Variants in SF3A2 observed in about 807,000 individuals in gnomAD.
The protein encoded by SF3A2 is SAP 62.
SF3A2 carries 5 observed loss-of-function variants against 31.1 expected under a neutral mutation model. The observed-to-expected ratio is 0.16, with a 90% confidence interval of 0.08 to 0.34. The LOEUF is 0.34. Ranked by LOEUF, SF3A2 falls within the 10% of genes least tolerant of loss-of-function variation. The pLI is 1.00. For missense variants in SF3A2, 577 were observed against 643.9 expected (o/e 0.90, Z 1.13); for synonymous variants, 365 against 263.7 (o/e 1.38, Z -3.72).
In SF3A2 at chr19:2,246,715, GA is replaced by G. The variant is rs542673852; in HGVS notation, c.356-37del. 211 of 1,613,466 alleles carry G rather than the reference GA, an allele frequency of 1.3e-4. 1 individual carries two copies. The African/African-American group carries it at 2.5e-3, about 19-fold the overall frequency. ...CCCCAGGTTCCTCAGCTTCGGAGAGGACAAGCAGCCGGGACCTGAGAGCTTT... is the reference window on the plus strand; with the variant it reads ...CCCCAGGTTCCTCAGCTTCGGAGAGGCAAGCAGCCGGGACCTGAGAGCTTT... On this transcript the variant is annotated intron_variant, in intron 5 of 8. Coordinates refer to ENST00000221494, the MANE Select transcript of SF3A2 (RefSeq NM_007165.5). This position sits in a 1 kb window ranked among gnomAD's most constrained non-coding sequence, Gnocchi z 5.5.
intron 2 of SF3A2, 34 bp from the exon 3 acceptor site, chr19:2,244,509 CT>C (rs2024915770): frequency 6.3e-7 from 1 of 1,584,802 alleles, no homozygotes; most frequent in Non-Finnish European, 8.6e-7. Flanking sequence ...AGGCCGCGAT[CT>C]TCTGTCTAAC....
chr19:2,243,585 G>C, intron 2 of SF3A2, 41 bp downstream of exon 2: 2 of 1,505,288 alleles, frequency 1.3e-6, no homozygotes, highest in East Asian at 2.7e-5. Flanking sequence ...TGGGTGCTGG[G>C]CTTTCCAGGG....
Position 2,247,906 on chromosome 19 carries a change from C to A in SF3A2, c.755C>A (p.Pro252Gln). ...CGGCCACCGCTGCCTGAGTCTTTGC[C>A]ACCGCCCCCGCCAGGAGGCCTGCCT... The part of the protein sequence containing the change: ...PPRPPLPESL[P>Q]PPPPGGLPLP... Residue 252 changes from proline (P) to glutamine (Q), a missense_variant, in exon 9 of 9, where the codon CCA becomes CAA. By Grantham distance (76) the Pro-to-Gln change is moderately conservative. This residue lies in a region of SF3A2 where 462 missense variants were observed against 339.1 expected (regional missense o/e 1.36). Coordinates refer to ENST00000221494, the MANE Select transcript of SF3A2 (RefSeq NM_007165.5). 1 of 1,578,942 alleles carries A rather than the reference C, an allele frequency of 6.3e-7. No homozygotes were observed. The highest frequency in any genetic ancestry group is 8.6e-7 in the Non-Finnish European group (1 of 1,162,874).
chr19:2,238,668 G>T (rs7253181), intron 1 of SF3A2, among the ~76,000 whole-genome samples: 104,046 of 152,132 alleles, frequency 0.68, 36,591 homozygotes, highest in Non-Finnish European at 0.78. Context: ...TTTTTACCAT[G>T]AGCCTGATTT....
chr19:2,247,862 G>A lies in SF3A2; in HGVS notation c.711G>A (p.Leu237=). 1 of 1,551,634 alleles carries A rather than the reference G, an allele frequency of 6.4e-7. No homozygotes were observed. Among genetic ancestry groups the A allele is most frequent in the South Asian group, 1.1e-5 (1 of 89,998 alleles). Residue 237 remains leucine (L), a synonymous_variant, in exon 9 of 9, where the codon CTG becomes CTA. Transcript: ENST00000221494. ...PPGVKRPPPP[L]MNGLPPRPPL... ...GGGTGAAGCGGCCTCCACCCCCGCT[G>A]ATGAACGGTCTGCCCCCTCGGCCAC...
In SF3A2 at chr19:2,246,866, G is replaced by C; in HGVS notation, c.406-16G>C. On this transcript the variant is annotated splice_polypyrimidine_tract_variant and intron_variant, in intron 6 of 8. Coordinates refer to ENST00000221494, the MANE Select transcript of SF3A2 (RefSeq NM_007165.5). This position sits in a 1 kb window ranked among gnomAD's most constrained non-coding sequence, Gnocchi z 5.5. ...CACCCAAGAGGCGGCTCTGCCACCCGGCCGTGTCCCTGCAGATTGACTACC... is the reference window on the plus strand; with the variant it reads ...CACCCAAGAGGCGGCTCTGCCACCCCGCCGTGTCCCTGCAGATTGACTACC... 1 of 1,612,550 alleles carries C rather than the reference G, an allele frequency of 6.2e-7. No homozygotes were observed. Among genetic ancestry groups the C allele is most frequent in the Non-Finnish European group, 8.5e-7 (1 of 1,179,486 alleles).
chr19:2,245,186 TTA>T lies in SF3A2; in HGVS notation c.246-259_246-258del. 2.1e-6 allele frequency: 1 copy of T among 480,058 alleles called. No individual in the cohort carries two copies. Among genetic ancestry groups the T allele is most frequent in the Non-Finnish European group, 3.7e-6 (1 of 272,716 alleles). 29.7% of individuals were successfully genotyped at this position (480,058 alleles called of 1,614,324 possible). ...GCGACAGAGTGAGACTCTTGTCTTA[TTA>T]AAAAAAAAAAAAAAGAGCAGAGGCA... On this transcript the variant is annotated intron_variant, in intron 4 of 8. Coordinates refer to ENST00000221494, the MANE Select transcript of SF3A2 (RefSeq NM_007165.5). This position sits in a 1 kb window ranked among gnomAD's most constrained non-coding sequence, Gnocchi z 4.2.
In SF3A2 at chr19:2,243,478, C is replaced by G. The variant is rs750009471; in HGVS notation, c.60C>G (p.Ser20=). 3 of 1,553,196 alleles carry G rather than the reference C, an allele frequency of 1.9e-6. No individual in the cohort carries two copies. Among genetic ancestry groups the G allele is most frequent in the South Asian group, 1.2e-5 (1 of 83,372 alleles). The change falls in exon 2 of 9, where the codon TCC becomes TCG. Residue 20 remains serine, a synonymous_variant. Transcript: ENST00000221494. The part of the protein sequence containing the change: ...KTGSGGVASS[S]ESNRDRRERL... Reference sequence around the variant, plus strand: ...GGAGCGGGGGCGTGGCCTCCTCCTCCGAGAGCAACCGTGACCGCAGGGAGC... The same window carrying G: ...GGAGCGGGGGCGTGGCCTCCTCCTCGGAGAGCAACCGTGACCGCAGGGAGC...
intron 2 of SF3A2, 98 bp from the exon 3 acceptor site, chr19:2,244,446 C>A: frequency 1.1e-6 from 1 of 906,526 alleles, no homozygotes; most frequent in South Asian, 1.4e-5. Flanking sequence ...GGGGGTTCTG[C>A]CTCCATGCCT....
rs1568391356 is a variant in SF3A2, at chr19:2,248,652, C to G, written c.*106C>G. 7.4e-5 allele frequency: 31 copies of G among 418,402 alleles called. No homozygotes were observed. In the East Asian group the frequency reaches 1.1e-3, roughly 15 times the overall value. The allele number at this position is 418,402 out of a possible 1,614,324, so 25.9% of individuals were successfully genotyped here. A position where few individuals can be genotyped will look rare whatever the true frequency, so the allele number is the denominator to read the frequency against. On this transcript the variant is annotated 3_prime_UTR_variant, in exon 9 of 9. Coordinates refer to ENST00000221494, the MANE Select transcript of SF3A2 (RefSeq NM_007165.5). ...GCCCCCCGCTCATTAAACAGCCTCC[C>G]CCAGCCCTGAGTGCACTGATGTCCG...
intron 7 of SF3A2, 64 bp downstream of exon 7, chr19:2,247,086 G>C: frequency 1.3e-6 from 2 of 1,560,230 alleles, no homozygotes; most frequent in Non-Finnish European, 1.7e-6. Context: ...ATCTGCATAG[G>C]CTGGGCAGGA....
chr19:2,247,418 G>A (rs1568390335), intron 7 of SF3A2, among the ~76,000 whole-genome samples, 176 bp from the exon 8 acceptor site: 2 of 152,152 alleles, frequency 1.3e-5, no homozygotes, highest in Non-Finnish European at 2.9e-5. Context: ...TAGCATTGAG[G>A]CCAGGTCTGT....
chr19:2,248,153 T>TGGAGTCCACCCTCCAACCCCC lies in SF3A2; in HGVS notation c.1017_1018insACCCCCGGAGTCCACCCTCCA (p.Pro339_Ala340insThrProGlyValHisProPro). On this transcript the variant is annotated inframe_insertion, in exon 9 of 9. Coordinates refer to ENST00000221494, the MANE Select transcript of SF3A2 (RefSeq NM_007165.5). ...CCTCTGGGGTCCACCCCCCAGCTCC[T>TGGAGTCCACCCTCCAACCCCC]GGAGTCCACCCTCCAGCCCCCGGGG... is the stretch of plus-strand genomic sequence containing the variant. 1 of 1,335,318 alleles carries TGGAGTCCACCCTCCAACCCCC rather than the reference T, an allele frequency of 7.5e-7. No individual in the cohort carries two copies. The highest frequency in any genetic ancestry group is 1.0e-6 in the Non-Finnish European group (1 of 980,008). The allele number at this position is 1,335,318 out of a possible 1,614,324, so 82.7% of individuals were successfully genotyped here.
chr19:2,247,733 C>G (rs1405389623), intron 8 of SF3A2, 34 bp from the exon 9 acceptor site: 1 of 1,611,464 alleles, frequency 6.2e-7, no homozygotes. Context: ...CCTAGCCCCA[C>G]CCGTGCCTGC....
rs1599655143 is a variant in SF3A2, at chr19:2,247,880, T to C, written c.729T>C (p.Pro243=). Residue 243 remains proline (P), a synonymous_variant, in exon 9 of 9, where the codon CCT becomes CCC. Transcript: ENST00000221494. ...CCCCGCTGATGAACGGTCTGCCCCC[T>C]CGGCCACCGCTGCCTGAGTCTTTGC... ...PPPPLMNGLP[P]RPPLPESLPP... 1 of 1,534,160 alleles carries C rather than the reference T, an allele frequency of 6.5e-7. No individual in the cohort carries two copies. Among genetic ancestry groups the C allele is most frequent in the Non-Finnish European group, 8.8e-7 (1 of 1,139,728 alleles).
At chr19:2,243,965 A>G (rs2024910971) in intron 2 of SF3A2, among the ~76,000 whole-genome samples, 1 of 152,132 alleles carries the variant, frequency 6.6e-6, no homozygotes, top group Admixed American at 6.5e-5. Context: ...GGCCTGGCCT[A>G]TGGCAAGGGC....
intron 1 of SF3A2, among the ~76,000 whole-genome samples, chr19:2,241,177 C>A (rs2024885637): frequency 1.3e-5 from 2 of 152,096 alleles, no homozygotes; most frequent in African/African-American, 4.8e-5. Flanking sequence ...GGTCGTCCTC[C>A]CGGGAGAGGG....
In SF3A2 at chr19:2,245,247, TG is replaced by T; in HGVS notation, c.246-198del. 1 of 549,306 alleles carries T rather than the reference TG, an allele frequency of 1.8e-6. No homozygotes were observed. The highest frequency in any genetic ancestry group is 2.6e-5 in the South Asian group (1 of 38,558). 34.0% of individuals were successfully genotyped at this position (549,306 alleles called of 1,614,324 possible). On this transcript the variant is annotated intron_variant, in intron 4 of 8. Coordinates refer to ENST00000221494, the MANE Select transcript of SF3A2 (RefSeq NM_007165.5). This position sits in a 1 kb window ranked among gnomAD's most constrained non-coding sequence, Gnocchi z 4.2. ...TTGGAAGGGCCCCAGCCAGGGACAGTGAGGAGCATGACAGGAAGAGAACATG... is the reference window on the plus strand; with the variant it reads ...TTGGAAGGGCCCCAGCCAGGGACAGTAGGAGCATGACAGGAAGAGAACATG...
Position 2,244,715 on chromosome 19 carries a change from G to A in SF3A2, c.199-18G>A. On this transcript the variant is annotated intron_variant, in intron 3 of 8. Transcript: ENST00000221494. ...GTCCGCCCGGCCTCGAGTCATGCGT[G>A]TTTCCTTTCCACTCCAGGGGAGCTA... 1.9e-6 allele frequency: 3 copies of A among 1,614,026 alleles called. No individual in the cohort carries two copies. Among genetic ancestry groups the A allele is most frequent in the Non-Finnish European group, 2.5e-6 (3 of 1,179,948 alleles).
Sources: allele counts gnomAD v4.1 joint callset (sites outside exome capture counted in the v4.1 genomes callset), GRCh38; gene constraint gnomAD v4.1.1; regional missense constraint gnomAD v4.1.1; non-coding constraint Gnocchi (gnomAD v3.1); transcripts MANE v1.5; gene names NCBI Gene and HGNC (gene_info 2026-07-23, HGNC 2026-07-21).